Variants in XKR9 observed in about 807,000 individuals in gnomAD.
XKR9 encodes the protein XK related 9.
Under a neutral mutation model 32.0 loss-of-function variants are expected in XKR9, and 32 were observed. The observed-to-expected ratio is 1.00, with a 90% CI of 0.76 to 1.34. The LOEUF (loss-of-function observed/expected upper bound fraction) is 1.34, where lower values mean the gene tolerates loss of function less well. XKR9 is among the 40% of genes most tolerant of loss of function. The pLI is 0.00. For synonymous variants in XKR9, 168 were observed against 143.4 expected (o/e 1.17, Z -1.22); for missense variants, 546 against 429.7 (o/e 1.27, Z -2.39).
At chr8:70,701,244 C>T (rs1360793460) in intron 3 of XKR9, among the ~76,000 whole-genome samples, 1 of 152,206 alleles carries the variant, frequency 6.6e-6, no homozygotes, top group Non-Finnish European at 1.5e-5. Context: ...CACGGTACCT[C>T]AGACGGAAAT....
At chr8:70,669,789 C>T (rs999572609) in intron 1 of XKR9, among the ~76,000 whole-genome samples, 3 of 151,686 alleles carry the variant, frequency 2.0e-5, no homozygotes, top group Admixed American at 6.6e-5. Context: ...GCCTCGGCCT[C>T]CCGAGTAGCT....
At chr8:70,796,141 G>GTACAGAT in the XKR9 span, among the ~76,000 whole-genome samples, 1 of 151,718 alleles carries the variant, frequency 6.6e-6, no homozygotes, top group Non-Finnish European at 1.5e-5. Flanking sequence ...GGGGTTTGGT[G>GTACAGAT]TACAGATTAT....
chr8:70,701,033 C>G (rs1206706040), intron 3 of XKR9, among the ~76,000 whole-genome samples: 10 of 152,318 alleles, frequency 6.6e-5, no homozygotes, highest in South Asian at 2.1e-4. Flanking sequence ...TTTTAAGCCC[C>G]TCGGAAAAGC....
the XKR9 span, among the ~76,000 whole-genome samples, chr8:70,844,199 G>A: frequency 5.3e-5 from 8 of 152,226 alleles, no homozygotes; most frequent in African/African-American, 1.9e-4. Flanking sequence ...AAGCTATGCT[G>A]CCATCTGCAG....
At chr8:70,902,383 G>T in the XKR9 span, among the ~76,000 whole-genome samples, 1 of 152,108 alleles carries the variant, frequency 6.6e-6, no homozygotes, top group Admixed American at 6.6e-5. Flanking sequence ...CTTGTAAGTT[G>T]GATTCCTAAG....
the XKR9 span, among the ~76,000 whole-genome samples, chr8:70,973,061 G>T: frequency 6.6e-6 from 1 of 152,052 alleles, no homozygotes; most frequent in Non-Finnish European, 1.5e-5. Flanking sequence ...TTGACTGTCT[G>T]TTAGAATTCA....
chr8:71,064,838 C>G, the XKR9 span, among the ~76,000 whole-genome samples: 1 of 152,142 alleles, frequency 6.6e-6, no homozygotes, highest in Non-Finnish European at 1.5e-5. Context: ...GAAGGTCTCT[C>G]TAAGGACTTT....
At chr8:71,028,536 T>C in the XKR9 span, among the ~76,000 whole-genome samples, 1 of 152,140 alleles carries the variant, frequency 6.6e-6, no homozygotes, top group Non-Finnish European at 1.5e-5. Flanking sequence ...AATTTTCAGC[T>C]AGACAGGCGG....
At chr8:71,046,120 A>G in the XKR9 span, among the ~76,000 whole-genome samples, 1 of 152,212 alleles carries the variant, frequency 6.6e-6, no homozygotes, top group Admixed American at 6.5e-5. Flanking sequence ...CCATATTATA[A>G]TCACTTTATA....
chr8:70,864,397 T>A, the XKR9 span, among the ~76,000 whole-genome samples: 1 of 152,222 alleles, frequency 6.6e-6, no homozygotes, highest in Non-Finnish European at 1.5e-5. Flanking sequence ...TATGATTCTA[T>A]GAGCATTGTA....
chr8:70,738,987 C>T (rs1028945910), downstream of XKR9, among the ~76,000 whole-genome samples: 48 of 152,096 alleles, frequency 3.2e-4, 1 homozygote, highest in African/African-American at 9.4e-4. Flanking sequence ...CTATTAGGTC[C>T]GCTTGGTGCA....
intron 2 of XKR9, among the ~76,000 whole-genome samples, chr8:70,741,590 A>G (rs1370085546): frequency 2.6e-5 from 4 of 152,140 alleles, no homozygotes; most frequent in Non-Finnish European, 5.9e-5. Context: ...TTAAGACTGA[A>G]TAGTATTCCA....
At chr8:70,701,649 C>A (rs1805540886) in intron 3 of XKR9, among the ~76,000 whole-genome samples, 1 of 152,078 alleles carries the variant, frequency 6.6e-6, no homozygotes, top group African/African-American at 2.4e-5. Context: ...TTTGTCCAGG[C>A]TAAGTATTGC....
the XKR9 span, among the ~76,000 whole-genome samples, chr8:71,050,256 TATATAGATAGATAG>T: frequency 0.07 from 9,180 of 130,862 alleles, 433 homozygotes; most frequent in Non-Finnish European, 0.092. Flanking sequence ...TATATATATA[TATATAGATAGATAG>T]ATAGATATAG....
the XKR9 span, among the ~76,000 whole-genome samples, chr8:71,026,633 C>T: frequency 6.6e-6 from 1 of 152,184 alleles, no homozygotes; most frequent in African/African-American, 2.4e-5. Context: ...AATTAGCTTT[C>T]CTGAGCACCA....
At chr8:71,058,703 G>C in the XKR9 span, among the ~76,000 whole-genome samples, 41 of 152,140 alleles carry the variant, frequency 2.7e-4, no homozygotes, top group Non-Finnish European at 7.3e-5. Flanking sequence ...AACTGAAGAT[G>C]AATGTTTATT....
At chr8:71,007,809 G>A in the XKR9 span, among the ~76,000 whole-genome samples, 1 of 151,970 alleles carries the variant, frequency 6.6e-6, no homozygotes, top group African/African-American at 2.4e-5. Flanking sequence ...GCTTGTTTGT[G>A]TTATGCAGTT....
At chr8:70,783,448 G>T (rs547330974) in intron 2 of XKR9, among the ~76,000 whole-genome samples, 1 of 152,018 alleles carries the variant, frequency 6.6e-6, no homozygotes. Flanking sequence ...GAATGGTCTC[G>T]ATCTCCTGAC....
At chr8:71,044,770 A>G in the XKR9 span, among the ~76,000 whole-genome samples, 1 of 152,230 alleles carries the variant, frequency 6.6e-6, no homozygotes, top group African/African-American at 2.4e-5. Context: ...ATTGTCACAA[A>G]TTATCCTTGA....
Sources: allele counts gnomAD v4.1 joint callset (sites outside exome capture counted in the v4.1 genomes callset), GRCh38; gene constraint gnomAD v4.1.1; transcripts MANE v1.5; gene names NCBI Gene and HGNC (gene_info 2026-07-23, HGNC 2026-07-21).